CLDN16: variants seen among roughly 807,000 people sequenced by gnomAD.
CLDN16 encodes claudin 16, also known as claudin-16.
A neutral mutation model predicts 24.6 loss-of-function variants in CLDN16; 13 were observed. The observed-to-expected ratio is 0.53, with a 90% CI of 0.34 to 0.84. The LOEUF (loss-of-function observed/expected upper bound fraction) is 0.84. Among genes scored for constraint, CLDN16 ranks in the 40% least tolerant of loss-of-function variants. The pLI, the probability that CLDN16 is intolerant of heterozygous loss-of-function variation, is 0.01. For missense variants in CLDN16, 298 were observed against 292.7 expected (o/e 1.02, Z -0.13); for synonymous variants, 116 against 106.7 (o/e 1.09, Z -0.54).
At chr3:190,301,775 A>T in the CLDN16 span, among the ~76,000 whole-genome samples, 2 of 152,186 alleles carry the variant, frequency 1.3e-5, no homozygotes, top group Admixed American at 1.3e-4. Flanking sequence ...GACTGCAATC[A>T]TCAAGCCGTC....
the CLDN16 span, among the ~76,000 whole-genome samples, chr3:190,311,609 A>G: frequency 6.6e-6 from 1 of 151,040 alleles, no homozygotes; most frequent in East Asian, 1.9e-4. Flanking sequence ...TTATTTTTTT[A>G]AAATAATATA....
At chr3:190,328,103 A>G (rs1433002932) in intron 1 of CLDN16, among the ~76,000 whole-genome samples, 2 of 130,088 alleles carry the variant, frequency 1.5e-5, no homozygotes, top group Non-Finnish European at 3.1e-5. Flanking sequence ...ACAAAATAGT[A>G]AGATTCCATC....
intron 1 of CLDN16, among the ~76,000 whole-genome samples, chr3:190,368,237 C>G (rs1718064023): frequency 6.6e-6 from 1 of 151,944 alleles, no homozygotes; most frequent in Non-Finnish European, 1.5e-5. Flanking sequence ...AAAGCACACT[C>G]TGTCCCTCTG....
intron 3 of CLDN16, among the ~76,000 whole-genome samples, chr3:190,383,096 G>C (rs1185458647): frequency 6.6e-6 from 1 of 152,188 alleles, no homozygotes; most frequent in Admixed American, 6.6e-5. Context: ...GACCTATGCC[G>C]GAGTTGCAAA....
chr3:190,369,550 T>C (rs9834826), intron 1 of CLDN16, among the ~76,000 whole-genome samples: 50,914 of 151,818 alleles, frequency 0.34, 9,209 homozygotes, highest in Middle Eastern at 0.53. Flanking sequence ...AATGTCTCCA[T>C]AAATTTGATG....
intron 1 of CLDN16, among the ~76,000 whole-genome samples, chr3:190,393,911 C>G (rs139366782): frequency 6.6e-6 from 1 of 151,840 alleles, no homozygotes; most frequent in African/African-American, 2.4e-5. Flanking sequence ...CCACCACACC[C>G]GGCTAATTTT....
chr3:190,354,547 C>G (rs1717728874), intron 1 of CLDN16, among the ~76,000 whole-genome samples: 1 of 151,954 alleles, frequency 6.6e-6, no homozygotes. Context: ...ATCCTGATGC[C>G]TGGACCACAG....
At chr3:190,300,508 A>G in the CLDN16 span, among the ~76,000 whole-genome samples, 1 of 152,190 alleles carries the variant, frequency 6.6e-6, no homozygotes, top group African/African-American at 2.4e-5. Context: ...TGTTTTTTGT[A>G]TGGCCGACAA....
At chr3:190,337,922 G>A (rs112956310) in intron 1 of CLDN16, among the ~76,000 whole-genome samples, 184 of 152,254 alleles carry the variant, frequency 1.2e-3, no homozygotes, top group African/African-American at 4.2e-3. Flanking sequence ...TCAATTAGTG[G>A]CAGCTGACCC....
chr3:190,311,147 T>C, the CLDN16 span, among the ~76,000 whole-genome samples: 2 of 152,258 alleles, frequency 1.3e-5, no homozygotes, highest in Non-Finnish European at 2.9e-5. Flanking sequence ...CGAATGGTCT[T>C]GAACTTGTGA....
chr3:190,401,903 A>AAT (rs1718972207), intron 1 of CLDN16, among the ~76,000 whole-genome samples: 1 of 152,118 alleles, frequency 6.6e-6, no homozygotes, highest in African/African-American at 2.4e-5. Context: ...ATAAAGAAAC[A>AAT]ATATATATTT....
chr3:190,408,872 T>G (rs56786355), intron 4 of CLDN16, among the ~76,000 whole-genome samples: 3,581 of 148,196 alleles, frequency 0.024, 147 homozygotes, highest in African/African-American at 0.085. Context: ...ATATACTATA[T>G]ATACATACTG....
chr3:190,334,294 TA>T (rs1471109654), intron 1 of CLDN16, among the ~76,000 whole-genome samples: 3 of 152,146 alleles, frequency 2.0e-5, no homozygotes, highest in African/African-American at 4.8e-5. Context: ...CAATATCAGA[TA>T]AGAGGAAAAG....
At chr3:190,364,822 C>T (rs1208022790) in intron 1 of CLDN16, among the ~76,000 whole-genome samples, 1 of 151,426 alleles carries the variant, frequency 6.6e-6, no homozygotes, top group East Asian at 2.0e-4. Context: ...GGGAGCTGAG[C>T]GTTGTCTTTT....
intron 1 of CLDN16, among the ~76,000 whole-genome samples, chr3:190,332,532 G>A (rs555421792): frequency 1.3e-5 from 2 of 152,250 alleles, no homozygotes; most frequent in South Asian, 4.1e-4. Flanking sequence ...TTACTCACCT[G>A]TGCAATTTCT....
At chr3:190,394,512 C>A (rs1718766118) in intron 1 of CLDN16, among the ~76,000 whole-genome samples, 1 of 152,076 alleles carries the variant, frequency 6.6e-6, no homozygotes, top group Non-Finnish European at 1.5e-5. Context: ...TTATATCCAG[C>A]ATGCCCGTTG....
chr3:190,403,863 C>T, intron 2 of CLDN16, among the ~76,000 whole-genome samples: 1 of 151,924 alleles, frequency 6.6e-6, no homozygotes, highest in East Asian at 1.9e-4. Context: ...GACATTTTGT[C>T]TATTCTAAAA....
chr3:190,386,257 G>A (rs1358471619), upstream of CLDN16, among the ~76,000 whole-genome samples: 1 of 152,130 alleles, frequency 6.6e-6, no homozygotes. Flanking sequence ...TTCTTTGAAT[G>A]AGCACTTAAA....
upstream of CLDN16, chr3:190,388,151 C>A: frequency 6.2e-7 from 1 of 1,614,000 alleles, no homozygotes; most frequent in Non-Finnish European, 8.5e-7. Flanking sequence ...TTGGTTACAG[C>A]CTGTTTGTAT....
Sources: allele counts gnomAD v4.1 joint callset (sites outside exome capture counted in the v4.1 genomes callset), GRCh38; gene constraint gnomAD v4.1.1; transcripts MANE v1.5; gene names NCBI Gene and HGNC (gene_info 2026-07-23, HGNC 2026-07-21).